MCTP1: variants seen among roughly 807,000 people sequenced by gnomAD.
MCTP1 encodes the protein multiple C2 and transmembrane domain-containing protein 1.
A neutral mutation model predicts 120.6 loss-of-function variants in MCTP1; 69 were observed. The observed-to-expected ratio is 0.57, with a 90% CI of 0.47 to 0.70. The LOEUF is 0.70. MCTP1 is among the 30% of genes least tolerant of loss of function. The probability of loss-of-function intolerance (pLI) is 0.00; values close to 1 mark genes in which losing one functional copy is unlikely to be tolerated. For missense variants in MCTP1, 1,203 were observed against 1,248.8 expected (o/e 0.96, Z 0.55); for synonymous variants, 529 against 493.1 (o/e 1.07, Z -0.96).
intron 2 of MCTP1, 39 bp downstream of exon 2, chr5:95,017,328 T>C: frequency 7.6e-7 from 1 of 1,308,478 alleles, no homozygotes. Flanking sequence ...CATAAACACA[T>C]AAAAAAGCTT....
rs1434575695 is a variant in MCTP1, at chr5:95,192,877, C to T, written c.720+90979G>A. On this transcript the variant is annotated intron_variant, in intron 1 of 22. Transcript: ENST00000515393. ...TTTTTCCATATCAGCAGGAACATTT[C>T]TTGAGGGAATAGATTGCTACTTGCT... Among the ~76,000 whole-genome samples the T allele has an allele frequency of 3.3e-5, 5 of 152,164 alleles. No individual in the cohort carries two copies. The South Asian group carries it at 1.0e-3, about 32-fold the overall frequency.
intron 17 of MCTP1, among the ~76,000 whole-genome samples, chr5:94,819,176 TGTA>T (rs1418543680): frequency 6.6e-6 from 1 of 151,904 alleles, no homozygotes; most frequent in Non-Finnish European, 1.5e-5. Flanking sequence ...TCACCCAGGC[TGTA>T]GTACAATGGC....
At chr5:95,226,205 C>T (rs963362099) in intron 1 of MCTP1, among the ~76,000 whole-genome samples, 5 of 152,022 alleles carry the variant, frequency 3.3e-5, no homozygotes, top group Non-Finnish European at 4.4e-5. Flanking sequence ...TCTCTGACCT[C>T]GCCATAATCT....
chr5:94,837,880 C>A (rs1790178917), intron 17 of MCTP1, among the ~76,000 whole-genome samples: 2 of 152,154 alleles, frequency 1.3e-5, no homozygotes, highest in South Asian at 4.1e-4. Context: ...ACTACACTTG[C>A]CAGGAGTCAG....
chr5:95,218,237 G>T lies in MCTP1; in HGVS notation c.720+65619C>A, dbSNP rs1403137623. ...CAAGAGTAGATGCATGATACAATAG[G>T]TTACAAGGAAGAAAAGATCCGTGTT... On this transcript the variant is annotated intron_variant, in intron 1 of 22. Coordinates refer to ENST00000515393, the MANE Select transcript of MCTP1 (RefSeq NM_024717.7). Among the ~76,000 whole-genome samples, 11 of 152,208 alleles carry T rather than the reference G, an allele frequency of 7.2e-5. 1 individual carries two copies. Among genetic ancestry groups the T allele is most frequent in the African/African-American group, 2.4e-4 (10 of 41,452 alleles).
rs532147918 is a variant in MCTP1 at position 95,003,914 on chromosome 5, C to T, written c.838+13453G>A. On this transcript the variant is annotated intron_variant, in intron 2 of 22. Transcript: ENST00000515393. ...CAGCTATGGAACTGGGCAATGGGCA[C>T]AGGTTGGAACAGTTTTGAGGGCTCA... 2.1e-4 allele frequency among the ~76,000 whole-genome samples: 32 copies of T among 152,204 alleles called. 1 individual carries two copies. The South Asian group carries it at 6.4e-3, about 31-fold the overall frequency.
intron 16 of MCTP1, 37 bp downstream of exon 16, chr5:94,870,380 G>T (rs1797619336): frequency 1.5e-6 from 2 of 1,349,492 alleles, no homozygotes; most frequent in African/African-American, 1.4e-5. Context: ...ATATAATCAG[G>T]TCTTCCCAGA....
chr5:95,006,333 A>G (rs984706580), intron 2 of MCTP1, among the ~76,000 whole-genome samples: 2 of 151,400 alleles, frequency 1.3e-5, no homozygotes, highest in African/African-American at 4.8e-5. Flanking sequence ...ATGTATATAT[A>G]TGTGTGTATG....
intron 18 of MCTP1, among the ~76,000 whole-genome samples, chr5:94,796,557 G>A (rs1266264596): frequency 7.2e-6 from 1 of 139,640 alleles, no homozygotes. Context: ...TCGTATATAT[G>A]TGTGTGTGTG....
intron 17 of MCTP1, among the ~76,000 whole-genome samples, chr5:94,859,086 A>G (rs1034626789): frequency 6.6e-6 from 1 of 151,718 alleles, no homozygotes; most frequent in Admixed American, 6.6e-5. Flanking sequence ...ATTCCATTTT[A>G]ACTACATATC....
chr5:95,031,385 A>G (rs1840257829), intron 1 of MCTP1, among the ~76,000 whole-genome samples: 1 of 152,162 alleles, frequency 6.6e-6, no homozygotes, highest in South Asian at 2.1e-4. Flanking sequence ...GAAGATAGAC[A>G]AAACAGCCAA....
intron 12 of MCTP1, among the ~76,000 whole-genome samples, chr5:94,887,190 T>TC (rs775904861): frequency 2.6e-4 from 39 of 152,176 alleles, no homozygotes; most frequent in Non-Finnish European, 1.5e-4. Context: ...TATTTAGTAT[T>TC]CCCCAAATTA....
chr5:95,114,550 C>T (rs906488536), intron 1 of MCTP1, among the ~76,000 whole-genome samples: 7 of 152,132 alleles, frequency 4.6e-5, no homozygotes, highest in African/African-American at 1.4e-4. Flanking sequence ...TGGTGGCCAC[C>T]GGGTGAGGCT....
At chr5:94,940,296 C>T in intron 4 of MCTP1, 101 bp from the exon 5 acceptor site, 1 of 635,750 alleles carries the variant, frequency 1.6e-6, no homozygotes, top group Non-Finnish European at 2.5e-6. Context: ...GTAATTTTGT[C>T]TTCCTTTACT....
intron 1 of MCTP1, chr5:95,068,810 C>G (rs1269299382): frequency 7.8e-7 from 1 of 1,279,182 alleles, no homozygotes; most frequent in Admixed American, 2.4e-5. Flanking sequence ...TCTGTCCTTT[C>G]CAATCTTACC....
At chr5:95,204,109 A>T (rs1311631265) in intron 1 of MCTP1, among the ~76,000 whole-genome samples, 1 of 152,166 alleles carries the variant, frequency 6.6e-6, no homozygotes, top group Non-Finnish European at 1.5e-5. Context: ...TTAGTATCTT[A>T]ATTTCAAAAT....
intron 19 of MCTP1, among the ~76,000 whole-genome samples, chr5:94,757,444 G>C (rs752909367): frequency 9.9e-5 from 15 of 152,184 alleles, no homozygotes; most frequent in South Asian, 4.1e-4. Context: ...AAGATGATTT[G>C]AGTTTTTATG....
At chr5:94,920,083 A>T (rs1216453610) in intron 7 of MCTP1, among the ~76,000 whole-genome samples, 1 of 152,218 alleles carries the variant, frequency 6.6e-6, no homozygotes, top group African/African-American at 2.4e-5. Flanking sequence ...AGATGTTTTA[A>T]CTATCCTCTC....
intron 19 of MCTP1, among the ~76,000 whole-genome samples, chr5:94,756,796 T>C (rs1172673368): frequency 6.6e-6 from 1 of 152,200 alleles, no homozygotes; most frequent in East Asian, 1.9e-4. Flanking sequence ...CCTTCTATTC[T>C]TTCAATATTC....
Sources: allele counts gnomAD v4.1 joint callset (sites outside exome capture counted in the v4.1 genomes callset), GRCh38; gene constraint gnomAD v4.1.1; transcripts MANE v1.5; gene names NCBI Gene and HGNC (gene_info 2026-07-23, HGNC 2026-07-21).